Variants in INPP5F observed in about 807,000 individuals in gnomAD.
The protein encoded by INPP5F is phosphatidylinositide 4-phosphatase SAC2.
Under a neutral mutation model 137.2 loss-of-function variants are expected in INPP5F, and 97 were observed. The ratio of observed to expected loss-of-function variants is 0.71; its 90% confidence interval spans 0.60 to 0.84. The LOEUF (loss-of-function observed/expected upper bound fraction) is 0.84, where lower values mean the gene tolerates loss of function less well. Ranked by LOEUF, INPP5F falls within the 40% of genes least tolerant of loss-of-function variation. The pLI, the probability that INPP5F is intolerant of heterozygous loss-of-function variation, is 0.00. For missense variants in INPP5F, 1,271 were observed against 1,371.9 expected (o/e 0.93, Z 1.16); for synonymous variants, 504 against 476.9 (o/e 1.06, Z -0.74).
intron 2 of INPP5F, among the ~76,000 whole-genome samples, chr10:119,771,874 ATATATATATTTTTTTTTTTTT>A (rs1263324589): frequency 4.9e-4 from 10 of 20,304 alleles, no homozygotes; most frequent in East Asian, 4.7e-3. Flanking sequence ...ATATATATAT[ATATATATATTTTTTTTTTTTT>A]TTTTTTTTTT....
intron 1 of INPP5F, among the ~76,000 whole-genome samples, chr10:119,728,862 G>T (rs1847966937): frequency 6.6e-6 from 1 of 152,110 alleles, no homozygotes; most frequent in Non-Finnish European, 1.5e-5. Context: ...TCTACACTTA[G>T]TGGACACTTC....
rs759786833 is a variant in INPP5F, at chr10:119,823,181, C to T, written c.2143C>T (p.Pro715Ser). 1.9e-6 allele frequency: 3 copies of T among 1,613,624 alleles called. No homozygotes were observed. Among genetic ancestry groups the T allele is most frequent in the East Asian group, 2.2e-5 (1 of 44,876 alleles). The change falls in exon 18 of 20, where the codon CCT becomes TCT. Residue 715 changes from proline to serine, a missense_variant. By Grantham distance (74) the Pro-to-Ser change is moderately conservative. Coordinates refer to ENST00000650623, the MANE Select transcript of INPP5F (RefSeq NM_014937.4). ...FHTLRAVMRN[P>S]EEDGKDTLQC... The stretch of plus-strand genomic sequence containing the variant: ...CACATTGCGAGCTGTAATGCGTAAT[C>T]CTGAAGAGGATGGAAAAGGTAAAAA...
At chr10:119,801,096 A>G (rs1008634125) in intron 9 of INPP5F, among the ~76,000 whole-genome samples, 14 of 152,338 alleles carry the variant, frequency 9.2e-5, no homozygotes, top group African/African-American at 2.9e-4. Context: ...ATTGCAGCAT[A>G]GAAACAACCT....
At chr10:119,767,708 A>G (rs898351519) in intron 2 of INPP5F, among the ~76,000 whole-genome samples, 8 of 152,252 alleles carry the variant, frequency 5.3e-5, no homozygotes, top group Non-Finnish European at 1.2e-4. Context: ...ACAGAAAGTA[A>G]AAGCATAGAA....
rs1848594293 is a variant in INPP5F at position 119,748,195 on chromosome 10, CG to C, written c.98-2879del. On this transcript the variant is annotated intron_variant, in intron 1 of 19. Transcript: ENST00000650623. This position sits in a 1 kb window ranked among gnomAD's most constrained non-coding sequence, Gnocchi z 4.7. ...TGGCAGGGCAGGCAGCTCCAGGCAC[CG>C]GTACAGGCACTGGCTTTGTGCAAGG... is the stretch of plus-strand genomic sequence containing the variant. Among the ~76,000 whole-genome samples, 1 of 152,232 alleles carries C rather than the reference CG, an allele frequency of 6.6e-6. No homozygotes were observed. Among genetic ancestry groups the C allele is most frequent in the Admixed American group, 6.5e-5 (1 of 15,284 alleles).
At chr10:119,728,896 A>G (rs1847967758) in intron 1 of INPP5F, among the ~76,000 whole-genome samples, 1 of 152,128 alleles carries the variant, frequency 6.6e-6, no homozygotes, top group Non-Finnish European at 1.5e-5. Context: ...ATGCATCATC[A>G]TAATAAAAGT....
At chr10:119,798,811 T>TTTTA (rs1850482773) in intron 9 of INPP5F, among the ~76,000 whole-genome samples, 2 of 147,164 alleles carry the variant, frequency 1.4e-5, no homozygotes, top group Non-Finnish European at 3.0e-5. Context: ...TTTTTTTTTT[T>TTTTA]AAAGAGACAC....
chr10:119,733,851 G>A (rs1415197861), intron 1 of INPP5F, among the ~76,000 whole-genome samples: 1 of 152,164 alleles, frequency 6.6e-6, no homozygotes, highest in Admixed American at 6.5e-5. Context: ...CCCCTGGCAC[G>A]GAGAAAGAGG....
chr10:119,761,138 T>C (rs1848998043), intron 2 of INPP5F, among the ~76,000 whole-genome samples: 1 of 152,212 alleles, frequency 6.6e-6, no homozygotes, highest in Non-Finnish European at 1.5e-5. Context: ...CAGATTTATT[T>C]AGGGATTTAA....
In INPP5F at chr10:119,787,577, CAAA is replaced by C. The variant is rs971128026; in HGVS notation, c.316-3939_316-3937del. On this transcript the variant is annotated intron_variant, in intron 3 of 19. Coordinates refer to ENST00000650623, the MANE Select transcript of INPP5F (RefSeq NM_014937.4). The surrounding 1 kb of genome is among the most constrained non-coding windows in gnomAD (Gnocchi z 4.1). ...TGGGTGACAGAGTGCGACTCTGTCT[CAAA>C]GAAGGAAAGAAGGAAGGAAGGAAAG... Among the ~76,000 whole-genome samples, 1 of 130,362 alleles carries C rather than the reference CAAA, an allele frequency of 7.7e-6. No homozygotes were observed. Among genetic ancestry groups the C allele is most frequent in the African/African-American group, 2.9e-5 (1 of 34,150 alleles). The allele number at this position is 130,362 out of a possible 152,430, so 85.5% of individuals were successfully genotyped here. A position where few individuals can be genotyped will look rare whatever the true frequency, so the allele number is the denominator to read the frequency against.
chr10:119,819,543 A>G, intron 15 of INPP5F: 2 of 1,597,508 alleles, frequency 1.3e-6, no homozygotes, highest in Non-Finnish European at 8.5e-7. Flanking sequence ...AGTGCACGTA[A>G]GTATCAACGC....
At chr10:119,824,349 T>C (rs1364183871) in intron 19 of INPP5F, among the ~76,000 whole-genome samples, 1 of 152,234 alleles carries the variant, frequency 6.6e-6, no homozygotes, top group Non-Finnish European at 1.5e-5. Context: ...TCCTCAATCT[T>C]GTCTTTTCTT....
chr10:119,806,433 A>C lies in INPP5F; in HGVS notation c.1393A>C (p.Thr465Pro). The change falls in exon 12 of 20, where the codon ACC (threonine) becomes CCC (proline). Residue 465 changes from threonine (T) to proline (P), a missense_variant. Physicochemically the swap from Thr to Pro is conservative, Grantham distance 38 (BLOSUM62 -1). Coordinates refer to ENST00000650623, the MANE Select transcript of INPP5F (RefSeq NM_014937.4). ...RVNCMDCLDRTNVVQAAIARV... is the reference protein window; with the variant it reads ...RVNCMDCLDRPNVVQAAIARV... ...TAATTGTATGGACTGCCTGGATCGC[A>C]CCAACGTGGTCCAAGCTGCCATCGC... 6.2e-7 allele frequency: 1 copy of C among 1,610,572 alleles called. No homozygotes were observed. Among genetic ancestry groups the C allele is most frequent in the East Asian group, 2.2e-5 (1 of 44,760 alleles).
intron 3 of INPP5F, among the ~76,000 whole-genome samples, chr10:119,785,575 A>AGAGAGAGACT (rs1435677238): frequency 1.7e-4 from 25 of 150,540 alleles, no homozygotes; most frequent in East Asian, 1.4e-3. Flanking sequence ...AGAGAGAGAG[A>AGAGAGAGACT]GAGACTGAGA....
chr10:119,825,742 C>T (rs1422457793), intron 19 of INPP5F, among the ~76,000 whole-genome samples: 1 of 152,146 alleles, frequency 6.6e-6, no homozygotes, highest in African/African-American at 2.4e-5. Context: ...TTCTAATGAG[C>T]ATCTGTCAGG....
intron 1 of INPP5F, among the ~76,000 whole-genome samples, chr10:119,750,817 T>C (rs1357075883): frequency 6.6e-6 from 1 of 152,212 alleles, no homozygotes; most frequent in East Asian, 1.9e-4. Flanking sequence ...GGCGCCAAGG[T>C]ACTGCTTCCT....
chr10:119,827,898 G>A lies in INPP5F; in HGVS notation c.*118G>A, dbSNP rs749567569. The A allele has an allele frequency of 9.6e-6, 8 of 832,866 alleles. No individual in the cohort carries two copies. Among genetic ancestry groups the A allele is most frequent in the Non-Finnish European group, 1.3e-5 (7 of 539,706 alleles). 51.6% of individuals were successfully genotyped at this position (832,866 alleles called of 1,614,324 possible). The stretch of plus-strand genomic sequence containing the variant: ...GATCACAAATTCTGTTCATTGGAAA[G>A]GGTTTTAAACGGAGTCGGAACCTGA... On this transcript the variant is annotated 3_prime_UTR_variant, in exon 20 of 20. Coordinates refer to ENST00000650623, the MANE Select transcript of INPP5F (RefSeq NM_014937.4).
chr10:119,741,503 A>G (rs1848374616), intron 1 of INPP5F, among the ~76,000 whole-genome samples: 1 of 152,178 alleles, frequency 6.6e-6, no homozygotes. Flanking sequence ...CTAGAGGCCA[A>G]CAACAGCTTT....
chr10:119,826,220 CAT>C (rs1190007121), intron 19 of INPP5F, among the ~76,000 whole-genome samples: 1 of 152,212 alleles, frequency 6.6e-6, no homozygotes, highest in Non-Finnish European at 1.5e-5. Flanking sequence ...CCACTCACCA[CAT>C]GTGGTTGTGA....
Sources: allele counts gnomAD v4.1 joint callset (sites outside exome capture counted in the v4.1 genomes callset), GRCh38; gene constraint gnomAD v4.1.1; non-coding constraint Gnocchi (gnomAD v3.1); transcripts MANE v1.5; gene names NCBI Gene and HGNC (gene_info 2026-07-23, HGNC 2026-07-21).